Variants in DYSF observed in about 807,000 individuals in gnomAD.
DYSF encodes dystrophy-associated fer-1-like 1.
DYSF carries 212 observed loss-of-function variants against 274.9 expected under a neutral mutation model. The observed-to-expected ratio is 0.77, with a 90% CI of 0.69 to 0.86. DYSF has a LOEUF of 0.86. DYSF is among the 40% of genes least tolerant of loss of function. The pLI, the probability that DYSF is intolerant of heterozygous loss-of-function variation, is 0.00. For missense variants in DYSF, 2,666 were observed against 2,783.2 expected (o/e 0.96, Z 0.95); for synonymous variants, 1,091 against 1,078.7 (o/e 1.01, Z -0.22).
chr2:71,551,535 C>A, intron 18 of DYSF, 72 bp from the exon 19 acceptor site: 1 of 1,343,500 alleles, frequency 7.4e-7, no homozygotes, highest in East Asian at 2.4e-5. Flanking sequence ...ACCTCAGGGC[C>A]AGAGGGTGCC....
At chr2:71,626,966 A>G (rs577280310) in intron 41 of DYSF, among the ~76,000 whole-genome samples, 14 of 151,116 alleles carry the variant, frequency 9.3e-5, no homozygotes, top group African/African-American at 3.1e-4. Context: ...ATTTTTTATG[A>G]TCTCTTAATT....
At chr2:71,563,200 G>A (rs1003867038) in intron 23 of DYSF, among the ~76,000 whole-genome samples, 4 of 152,228 alleles carry the variant, frequency 2.6e-5, no homozygotes, top group Admixed American at 1.3e-4. Context: ...CATATTTGGA[G>A]TCAGAAAAAC....
chr2:71,550,606 GA>G (rs1273911583), intron 17 of DYSF, among the ~76,000 whole-genome samples: 1 of 152,176 alleles, frequency 6.6e-6, no homozygotes, highest in Non-Finnish European at 1.5e-5. Flanking sequence ...AGTGCCTATA[GA>G]AGCGTAGGAT....
intron 42 of DYSF, among the ~76,000 whole-genome samples, chr2:71,653,373 C>A (rs1056651174): frequency 4.0e-5 from 6 of 151,836 alleles, no homozygotes; most frequent in African/African-American, 1.2e-4. Flanking sequence ...ATGTTTATTG[C>A]GGCACTATTC....
chr2:71,544,046 C>T lies in DYSF; in HGVS notation c.1576+4807C>T, dbSNP rs1285622561. Among the ~76,000 whole-genome samples, 9 of 152,318 alleles carry T rather than the reference C, an allele frequency of 5.9e-5. No homozygotes were observed. The South Asian group carries it at 1.9e-3, about 32-fold the overall frequency. On this transcript the variant is annotated intron_variant, in intron 17 of 55. Transcript: ENST00000410020. The stretch of plus-strand genomic sequence containing the variant: ...TATTTTCCTTTACTTCTTTGCTCCT[C>T]GTCTGTTCTCTCCCGGCAGTTCTGC...
intron 3 of DYSF, among the ~76,000 whole-genome samples, chr2:71,485,425 G>C (rs1367876084): frequency 6.6e-6 from 1 of 152,118 alleles, no homozygotes; most frequent in Non-Finnish European, 1.5e-5. Flanking sequence ...GCGTGGTGGC[G>C]GGCACCTGTA....
At chr2:71,598,818 T>C in intron 33 of DYSF, 73 bp downstream of exon 33, 1 of 1,569,976 alleles carries the variant, frequency 6.4e-7, no homozygotes. Flanking sequence ...CTCCAGGGAC[T>C]CGTGGCTGCC....
At chr2:71,597,566 A>G (rs758597692) in intron 32 of DYSF, among the ~76,000 whole-genome samples, 7 of 152,204 alleles carry the variant, frequency 4.6e-5, no homozygotes, top group Non-Finnish European at 8.8e-5. Flanking sequence ...AGCACCCAGC[A>G]GCCTGAATGA....
Position 71,459,759 on chromosome 2 carries a change from T to C in DYSF, c.88+5673T>C, listed in dbSNP as rs566156501. On this transcript the variant is annotated intron_variant, in intron 1 of 54. Transcript: ENST00000258104. ...CATTCAATCCTGGAGACCTTGGGCCTGGGCTCTCTGGAGGGCAGAGAGCCA... is the reference window on the plus strand; with the variant it reads ...CATTCAATCCTGGAGACCTTGGGCCCGGGCTCTCTGGAGGGCAGAGAGCCA... Among the ~76,000 whole-genome samples, 583 of 152,288 alleles carry C rather than the reference T, an allele frequency of 3.8e-3. 2 individuals are homozygous for C. The highest frequency in any genetic ancestry group is 0.013 in the African/African-American group (552 of 41,568).
At chr2:71,573,150 C>T (rs1338553894) in intron 29 of DYSF, among the ~76,000 whole-genome samples, 1 of 152,230 alleles carries the variant, frequency 6.6e-6, no homozygotes, top group African/African-American at 2.4e-5. Flanking sequence ...ACCTAGGTTC[C>T]TTCCTTTCTC....
chr2:71,666,496 C>G (rs1333669898), intron 47 of DYSF, among the ~76,000 whole-genome samples: 1 of 152,232 alleles, frequency 6.6e-6, no homozygotes, highest in East Asian at 1.9e-4. Flanking sequence ...CATGAGCACA[C>G]CTGGGTACAT....
chr2:71,654,408 A>G (rs982343062), intron 42 of DYSF, among the ~76,000 whole-genome samples: 4 of 152,214 alleles, frequency 2.6e-5, no homozygotes, highest in Non-Finnish European at 5.9e-5. Flanking sequence ...GGAGCTTATA[A>G]TAAAGATGAA....
chr2:71,486,297 C>T lies in DYSF; in HGVS notation c.239+4327C>T, dbSNP rs114504722. ...CCTTGCCTCCCCTCCCTCTTCCCCA[C>T]CTCCACCCTCTGGCTCTCTCTGCTT... is the stretch of plus-strand genomic sequence containing the variant. On this transcript the variant is annotated intron_variant, in intron 3 of 55. Coordinates refer to ENST00000410020, the MANE Select transcript of DYSF (RefSeq NM_001130987.2). Among the ~76,000 whole-genome samples, 777 of 152,156 alleles carry T rather than the reference C, an allele frequency of 5.1e-3. 4 individuals are homozygous for T. Among genetic ancestry groups the T allele is most frequent in the Non-Finnish European group, 8.7e-3 (593 of 68,008 alleles).
chr2:71,664,903 G>A (rs1431109009), intron 46 of DYSF, among the ~76,000 whole-genome samples: 1 of 152,244 alleles, frequency 6.6e-6, no homozygotes, highest in Non-Finnish European at 1.5e-5. Context: ...TCTTCTCTGG[G>A]TCTGATTATC....
chr2:71,599,041 CCTT>C (rs1208908414), intron 33 of DYSF, among the ~76,000 whole-genome samples: 4 of 152,192 alleles, frequency 2.6e-5, no homozygotes, highest in African/African-American at 9.7e-5. Context: ...CAGGCCAGTC[CCTT>C]CTTCTCATCG....
In DYSF at chr2:71,682,362, G is replaced by A. The variant is rs1411900234; in HGVS notation, c.6174-168G>A. On this transcript the variant is annotated intron_variant, in intron 54 of 55. Coordinates refer to ENST00000410020, the MANE Select transcript of DYSF (RefSeq NM_001130987.2). ...GGGTGATACTGTAGCAAGGGCTTGGGGGAGAGGGAATGCAAGGTGCAAAGG... is the reference window on the plus strand; with the variant it reads ...GGGTGATACTGTAGCAAGGGCTTGGAGGAGAGGGAATGCAAGGTGCAAAGG... Among the ~76,000 whole-genome samples, 4 of 152,080 alleles carry A rather than the reference G, an allele frequency of 2.6e-5. No homozygotes were observed. The South Asian group carries it at 6.2e-4, about 24-fold the overall frequency.
At chr2:71,586,776 G>T (rs754220643) in intron 30 of DYSF, among the ~76,000 whole-genome samples, 1 of 152,072 alleles carries the variant, frequency 6.6e-6, no homozygotes, top group African/African-American at 2.4e-5. Context: ...CCCTGCAGGC[G>T]CTGGGAGGGA....
intron 35 of DYSF, 22 bp downstream of exon 35, chr2:71,601,550 C>T (rs758695139): frequency 1.4e-5 from 23 of 1,614,022 alleles, no homozygotes; most frequent in Non-Finnish European, 1.9e-5. Context: ...TCTGACCTTT[C>T]CTTCTTCAAA....
chr2:71,560,150 CTTGGGCT>C (rs1322783626), intron 22 of DYSF, among the ~76,000 whole-genome samples: 1 of 152,230 alleles, frequency 6.6e-6, no homozygotes, highest in East Asian at 1.9e-4. Context: ...TACCCCCTGC[CTTGGGCT>C]TTCCTGAGGA....
Sources: gnomAD v4.1 joint callset for allele counts (sites outside exome capture counted in the v4.1 genomes callset) on GRCh38, gnomAD v4.1.1 for gene constraint, MANE v1.5 for transcripts, NCBI Gene and HGNC (gene_info 2026-07-23, HGNC 2026-07-21) for gene names.